Variants in GRID1 observed in about 807,000 individuals in gnomAD.
GRID1 encodes glutamate receptor ionotropic, delta-1.
Under a neutral mutation model 98.0 loss-of-function variants are expected in GRID1, and 28 were observed. That is an observed-to-expected ratio of 0.29 (90% CI 0.21 to 0.39). The LOEUF (loss-of-function observed/expected upper bound fraction) is 0.39, where lower values mean the gene tolerates loss of function less well. Among genes scored for constraint, GRID1 ranks in the 10% least tolerant of loss-of-function variants. GRID1 has a pLI of 1.00. For synonymous variants in GRID1, 553 were observed against 538.5 expected, an observed-to-expected ratio of 1.03 and a Z score of -0.37; for missense variants, 1,111 against 1,340.5, an observed-to-expected ratio of 0.83 and a Z score of 2.67.
chr10:86,273,167 G>GT (rs1212416706), intron 2 of GRID1, among the ~76,000 whole-genome samples: 2 of 151,660 alleles, frequency 1.3e-5, no homozygotes, highest in Non-Finnish European at 2.9e-5. Flanking sequence ...GCGGTGTTTG[G>GT]TTTTTTGCCC....
intron 4 of GRID1, among the ~76,000 whole-genome samples, chr10:86,068,402 A>AC (rs1843750531): frequency 6.6e-6 from 1 of 152,196 alleles, no homozygotes; most frequent in African/African-American, 2.4e-5. Flanking sequence ...ACTTCCCCCC[A>AC]CTGAGGAGTT....
chr10:85,766,265 T>G (rs866287968), intron 8 of GRID1, among the ~76,000 whole-genome samples: 3 of 152,358 alleles, frequency 2.0e-5, no homozygotes, highest in Middle Eastern at 6.8e-3. Context: ...GCGTGAGGAC[T>G]GCATAAGCCC....
intron 8 of GRID1, among the ~76,000 whole-genome samples, chr10:85,747,226 G>C (rs1842005961): frequency 6.6e-6 from 1 of 152,060 alleles, no homozygotes; most frequent in African/African-American, 2.4e-5. Context: ...CTCACAAAAT[G>C]CTTCCTATGC....
chr10:86,317,862 T>C (rs1409256627), intron 2 of GRID1, among the ~76,000 whole-genome samples: 1 of 152,148 alleles, frequency 6.6e-6, no homozygotes, highest in Non-Finnish European at 1.5e-5. Flanking sequence ...CACCCCAGCC[T>C]CCTGAGTAGC....
chr10:86,034,464 T>C (rs1050933076), intron 4 of GRID1, among the ~76,000 whole-genome samples: 1 of 152,054 alleles, frequency 6.6e-6, no homozygotes, highest in Admixed American at 6.5e-5. Flanking sequence ...CTGTCTCCAT[T>C]TTAGAGGGGA....
intron 4 of GRID1, among the ~76,000 whole-genome samples, chr10:85,986,856 T>A (rs1842614422): frequency 6.6e-6 from 1 of 152,014 alleles, no homozygotes; most frequent in African/African-American, 2.4e-5. Context: ...CCAAGTGGAG[T>A]GTTATAAAGA....
At chr10:85,762,860 A>G (rs1842159954) in intron 8 of GRID1, among the ~76,000 whole-genome samples, 2 of 152,222 alleles carry the variant, frequency 1.3e-5, no homozygotes, top group African/African-American at 4.8e-5. Flanking sequence ...TCACTGATTT[A>G]GCAGAATCAT....
chr10:85,610,755 G>A (rs1271432805), intron 15 of GRID1, among the ~76,000 whole-genome samples: 1 of 152,182 alleles, frequency 6.6e-6, no homozygotes, highest in Non-Finnish European at 1.5e-5. Context: ...TCTATAGGCA[G>A]GCTTATTAAA....
chr10:86,190,021 C>T (rs1048763468), intron 3 of GRID1, among the ~76,000 whole-genome samples: 1 of 152,138 alleles, frequency 6.6e-6, no homozygotes, highest in East Asian at 1.9e-4. Context: ...CTGCCCAAGC[C>T]CTCCCTGCCT....
At chr10:86,062,748 AG>A (rs1843666610) in intron 4 of GRID1, among the ~76,000 whole-genome samples, 1 of 152,196 alleles carries the variant, frequency 6.6e-6, no homozygotes. Context: ...GCTCCTTGAA[AG>A]GGGAGACTAT....
chr10:85,729,477 G>A (rs1335065881), intron 9 of GRID1, 36 bp downstream of exon 9: 1 of 1,213,546 alleles, frequency 8.2e-7, no homozygotes, highest in Admixed American at 1.7e-5. Flanking sequence ...AGCCTGGATG[G>A]TGTAGCTCGC....
intron 8 of GRID1, among the ~76,000 whole-genome samples, chr10:85,817,499 C>T (rs1564599309): frequency 6.6e-6 from 1 of 152,050 alleles, no homozygotes; most frequent in Non-Finnish European, 1.5e-5. Context: ...GCACTCCAGC[C>T]TGGATGACAG....
intron 8 of GRID1, among the ~76,000 whole-genome samples, chr10:85,783,596 G>T (rs1475303906): frequency 6.6e-6 from 1 of 152,294 alleles, no homozygotes; most frequent in East Asian, 1.9e-4. Context: ...GAATGAAAAT[G>T]ACATACCTTT....
chr10:86,239,011 T>G (rs1164980940), intron 2 of GRID1, among the ~76,000 whole-genome samples: 1 of 152,020 alleles, frequency 6.6e-6, no homozygotes, highest in Admixed American at 6.6e-5. Context: ...GACCCCAGAA[T>G]GGTAGATCCA....
At chr10:86,329,847 C>G (rs1426657020) in intron 2 of GRID1, among the ~76,000 whole-genome samples, 1 of 152,206 alleles carries the variant, frequency 6.6e-6, no homozygotes, top group African/African-American at 2.4e-5. Context: ...TGAAGCAAAC[C>G]AGGCCACATC....
chr10:86,270,551 G>A (rs186523107), intron 2 of GRID1, among the ~76,000 whole-genome samples: 4 of 152,224 alleles, frequency 2.6e-5, no homozygotes, highest in Admixed American at 2.0e-4. Flanking sequence ...TTAGCCAGGT[G>A]TGGTGGTGCG....
Position 86,172,934 on chromosome 10 carries a change from A to G in GRID1, c.520+33430T>C, listed in dbSNP as rs545597930. ...TACCCAACTTCAGTTGTTACCACCTACACCTCACCCACCCTCAAATTAAGT... is the reference window on the plus strand; with the variant it reads ...TACCCAACTTCAGTTGTTACCACCTGCACCTCACCCACCCTCAAATTAAGT... On this transcript the variant is annotated intron_variant, in intron 3 of 15. Transcript: ENST00000327946. 6.6e-5 allele frequency among the ~76,000 whole-genome samples: 10 copies of G among 152,302 alleles called. No homozygotes were observed. The South Asian group carries it at 8.3e-4, about 13-fold the overall frequency.
intron 4 of GRID1, among the ~76,000 whole-genome samples, chr10:86,109,993 G>A (rs994062189): frequency 1.4e-5 from 2 of 147,516 alleles, no homozygotes; most frequent in Non-Finnish European, 3.0e-5. Context: ...TTTTTTTTGA[G>A]GGGGAGTCTC....
At chr10:85,720,762 C>T (rs1266232826) in intron 12 of GRID1, among the ~76,000 whole-genome samples, 5 of 151,564 alleles carry the variant, frequency 3.3e-5, no homozygotes, top group African/African-American at 7.3e-5. Context: ...AAAATGCAAA[C>T]GTTTTCAGTA....
Sources: allele counts gnomAD v4.1 joint callset (sites outside exome capture counted in the v4.1 genomes callset), GRCh38; gene constraint gnomAD v4.1.1; transcripts MANE v1.5; gene names NCBI Gene and HGNC (gene_info 2026-07-23, HGNC 2026-07-21).